The following LRTM3 variants were observed in gnomAD, a reference collection of about 807,000 sequenced individuals.
The protein encoded by LRTM3 is leucine rich repeat transmembrane protein 3.
chr13:102,734,146 T>C, the LRTM3 span: 1 of 1,551,466 alleles, frequency 6.4e-7, no homozygotes, highest in Non-Finnish European at 8.7e-7. Flanking sequence ...TATGTGACAT[T>C]GGTGAAATCC....
At chr13:102,757,060 C>A in the LRTM3 span, among the ~76,000 whole-genome samples, 3 of 152,152 alleles carry the variant, frequency 2.0e-5, no homozygotes, top group Non-Finnish European at 4.4e-5. Flanking sequence ...CTTGGGTCAC[C>A]ATGCACACCT....
the LRTM3 span, chr13:102,743,915 A>G: frequency 1.9e-6 from 3 of 1,550,676 alleles, no homozygotes; most frequent in Non-Finnish European, 1.7e-6. Context: ...ACCCAAGAAA[A>G]TTGCAGCTAC....
At chr13:102,748,907 G>T in the LRTM3 span, 1 of 1,550,184 alleles carries the variant, frequency 6.5e-7, no homozygotes, top group South Asian at 1.2e-5. Flanking sequence ...TGAGATTCCT[G>T]TCTCCTCAAG....
the LRTM3 span, chr13:102,758,599 G>A: frequency 1.9e-6 from 3 of 1,540,238 alleles, no homozygotes; most frequent in Admixed American, 6.1e-5. Flanking sequence ...AAAAAAAATT[G>A]TTAGAGGAGT....
At chr13:102,739,327 C>T in the LRTM3 span, 1 of 1,548,984 alleles carries the variant, frequency 6.5e-7, no homozygotes, top group Non-Finnish European at 8.7e-7. Flanking sequence ...CCTTCTTTTT[C>T]TGTGGAAAAC....
the LRTM3 span, chr13:102,732,036 G>A: frequency 6.4e-7 from 1 of 1,551,312 alleles, no homozygotes; most frequent in Non-Finnish European, 8.7e-7. Context: ...TTGACATTAG[G>A]AAGTTTCTGC....
the LRTM3 span, chr13:102,758,356 C>T: frequency 7.7e-7 from 1 of 1,296,734 alleles, no homozygotes. Flanking sequence ...TTGAATAGAA[C>T]ACAACCAACC....
the LRTM3 span, chr13:102,739,942 A>T: frequency 3.2e-6 from 5 of 1,550,328 alleles, no homozygotes; most frequent in East Asian, 9.8e-5. Flanking sequence ...TATTGAGTAT[A>T]TGTGAAAATA....
At chr13:102,730,059 A>C in the LRTM3 span, 2 of 1,551,440 alleles carry the variant, frequency 1.3e-6, no homozygotes. Context: ...GAACTATGAC[A>C]CAACCAGTCA....
the LRTM3 span, among the ~76,000 whole-genome samples, chr13:102,754,857 A>G: frequency 6.6e-6 from 1 of 152,184 alleles, no homozygotes; most frequent in Non-Finnish European, 1.5e-5. Context: ...GCAATCCTAT[A>G]GTCATAGTAA....
the LRTM3 span, chr13:102,739,668 G>A: frequency 1.3e-6 from 2 of 1,550,196 alleles, no homozygotes; most frequent in Middle Eastern, 1.7e-4. Flanking sequence ...ATGATGTTAG[G>A]GCTTTTTATT....
At chr13:102,738,981 A>T in the LRTM3 span, 1 of 1,550,494 alleles carries the variant, frequency 6.4e-7, no homozygotes, top group Non-Finnish European at 8.7e-7. Flanking sequence ...ATACTGCTTA[A>T]ACTATCATCA....
chr13:102,729,612 G>A, the LRTM3 span: 5 of 1,546,014 alleles, frequency 3.2e-6, no homozygotes, highest in South Asian at 1.2e-5. Flanking sequence ...ATGGTTTTGG[G>A]TATAACCTCC....
At chr13:102,752,881 A>G in the LRTM3 span, among the ~76,000 whole-genome samples, 11 of 152,224 alleles carry the variant, frequency 7.2e-5, no homozygotes, top group Admixed American at 2.6e-4. Context: ...ATGTTAGTTA[A>G]CTTATTTATA....
chr13:102,737,231 T>C, the LRTM3 span: 1 of 1,551,110 alleles, frequency 6.4e-7, no homozygotes, highest in Non-Finnish European at 8.7e-7. Context: ...TTTTACATCA[T>C]TTGAGCTATC....
the LRTM3 span, chr13:102,748,080 G>A: frequency 6.4e-7 from 1 of 1,551,026 alleles, no homozygotes; most frequent in South Asian, 1.2e-5. Context: ...GAATGACTGA[G>A]CCTTATTATT....
At chr13:102,743,079 C>T in the LRTM3 span, 3 of 1,550,230 alleles carry the variant, frequency 1.9e-6, no homozygotes, top group East Asian at 2.4e-5. Flanking sequence ...AGATGACGAT[C>T]CTTTCTAAGA....
the LRTM3 span, chr13:102,745,980 T>TCTGA: frequency 1.9e-6 from 3 of 1,551,112 alleles, no homozygotes; most frequent in East Asian, 7.3e-5. Context: ...GCATTGAGTA[T>TCTGA]TAAGCCATCG....
At chr13:102,730,931 A>G in the LRTM3 span, 4 of 1,551,264 alleles carry the variant, frequency 2.6e-6, no homozygotes, top group Non-Finnish European at 3.5e-6. Context: ...ACCAGGATGA[A>G]TACAGTTAGA....
Sources: allele counts gnomAD v4.1 joint callset (sites outside exome capture counted in the v4.1 genomes callset), GRCh38; gene constraint gnomAD v4.1.1; transcripts MANE v1.5; gene names NCBI Gene and HGNC (gene_info 2026-07-23, HGNC 2026-07-21).